The following WARS2 variants were observed in gnomAD, a reference collection of about 807,000 sequenced individuals.
The protein encoded by WARS2 is tryptophanyl tRNA synthetase 2, mitochondrial.
A neutral mutation model predicts 36.5 loss-of-function variants in WARS2; 28 were observed. The ratio of observed to expected loss-of-function variants is 0.77; its 90% CI spans 0.57 to 1.05. The LOEUF (loss-of-function observed/expected upper bound fraction) is 1.05, where lower values mean the gene tolerates loss of function less well. WARS2 is among the 50% of genes least tolerant of loss of function. The pLI is 0.00. For synonymous variants in WARS2, 174 were observed against 178.4 expected (o/e 0.98, Z 0.20); for missense variants, 435 against 456.8 (o/e 0.95, Z 0.44).
At chr1:119,130,976 T>C (rs1195141448) in intron 1 of WARS2, among the ~76,000 whole-genome samples, 3 of 152,190 alleles carry the variant, frequency 2.0e-5, no homozygotes, top group Admixed American at 1.3e-4. Flanking sequence ...TAAACTGTTT[T>C]CTGCTGAGGT....
chr1:119,092,862 T>C (rs1653140185), intron 1 of WARS2, among the ~76,000 whole-genome samples: 1 of 152,210 alleles, frequency 6.6e-6, no homozygotes, highest in African/African-American at 2.4e-5. Flanking sequence ...AATTACTAAA[T>C]CATCAGGGAT....
intron 2 of WARS2, among the ~76,000 whole-genome samples, chr1:119,066,394 C>T (rs1027809175): frequency 9.0e-5 from 13 of 145,142 alleles, no homozygotes; most frequent in Admixed American, 2.8e-4. Context: ...AGGAGAATGG[C>T]GTGAACCTGG....
chr1:119,117,772 A>G (rs943824137), intron 1 of WARS2, among the ~76,000 whole-genome samples: 4 of 152,212 alleles, frequency 2.6e-5, no homozygotes, highest in African/African-American at 9.6e-5. Flanking sequence ...AGGACTCTTT[A>G]CAGCACTAGC....
intron 2 of WARS2, among the ~76,000 whole-genome samples, chr1:119,070,352 C>G (rs549650997): frequency 6.6e-6 from 1 of 152,168 alleles, no homozygotes; most frequent in African/African-American, 2.4e-5. Context: ...ACCTCTGCCT[C>G]CTGGGTTCAC....
chr1:119,129,500 G>C (rs1043553236), intron 1 of WARS2, among the ~76,000 whole-genome samples: 1 of 152,108 alleles, frequency 6.6e-6, no homozygotes, highest in Non-Finnish European at 1.5e-5. Context: ...TTTGAGCCCA[G>C]GAGTTCGAGA....
At chr1:119,126,886 C>A in intron 1 of WARS2, 1 of 809,676 alleles carries the variant, frequency 1.2e-6, no homozygotes, top group Non-Finnish European at 2.1e-6. Flanking sequence ...GTCTTCCGTA[C>A]CTGATTGTTG....
intron 1 of WARS2, among the ~76,000 whole-genome samples, chr1:119,100,269 A>C (rs1430867011): frequency 6.6e-6 from 1 of 152,132 alleles, no homozygotes; most frequent in Non-Finnish European, 1.5e-5. Flanking sequence ...ATCTTACCCA[A>C]ATCAGAAAAG....
intron 2 of WARS2, among the ~76,000 whole-genome samples, chr1:119,067,040 T>C (rs1240904480): frequency 6.6e-6 from 1 of 152,160 alleles, no homozygotes; most frequent in African/African-American, 2.4e-5. Context: ...AGGCAGACAA[T>C]GGAACACTGT....
chr1:119,052,567 C>G (rs1312289332), intron 2 of WARS2, among the ~76,000 whole-genome samples: 1 of 152,194 alleles, frequency 6.6e-6, no homozygotes, highest in African/African-American at 2.4e-5. Context: ...CTGGAGTTCT[C>G]TATACTTTTT....
intron 1 of WARS2, chr1:119,126,647 C>G: frequency 1.4e-6 from 1 of 712,462 alleles, no homozygotes; most frequent in South Asian, 1.4e-5. Flanking sequence ...CACGAAGCTC[C>G]ATAAGTTTTC....
chr1:119,053,206 T>A (rs1027558071), intron 2 of WARS2, among the ~76,000 whole-genome samples: 2 of 151,518 alleles, frequency 1.3e-5, no homozygotes, highest in African/African-American at 2.4e-5. Flanking sequence ...AGTAATCAAA[T>A]TTTTTTTTAA....
intron 4 of WARS2, among the ~76,000 whole-genome samples, chr1:119,034,463 G>A (rs765109011): frequency 2.6e-5 from 4 of 152,190 alleles, no homozygotes; most frequent in Non-Finnish European, 4.4e-5. Flanking sequence ...AGCATGACAG[G>A]ATCTTGCTGG....
rs145031136 is a variant in WARS2 at position 119,130,164 on chromosome 1, A to G, written c.90+10391T>C. Among the ~76,000 whole-genome samples, 11 of 152,334 alleles carry G rather than the reference A, an allele frequency of 7.2e-5. No individual in the cohort carries two copies. The East Asian group carries it at 7.7e-4, about 11-fold the overall frequency. ...ATGAGAAAAAAAAAAAGGCAATGTC[A>G]ATACAATAAATGAGCTTTTTATTTC... On this transcript the variant is annotated intron_variant, in intron 1 of 5. Transcript: ENST00000235521.
chr1:119,112,252 A>G (rs1275939791), intron 1 of WARS2, among the ~76,000 whole-genome samples: 1 of 152,148 alleles, frequency 6.6e-6, no homozygotes, highest in Non-Finnish European at 1.5e-5. Flanking sequence ...GTTAGGATGA[A>G]GTGGAGATGT....
intron 1 of WARS2, among the ~76,000 whole-genome samples, chr1:119,138,759 C>T (rs1011601810): frequency 6.6e-6 from 1 of 152,088 alleles, no homozygotes; most frequent in African/African-American, 2.4e-5. Context: ...TAAAAAAATA[C>T]TCTCACATTT....
chr1:119,063,255 G>A (rs1650534642), intron 2 of WARS2: 1 of 152,800 alleles, frequency 6.5e-6, no homozygotes, highest in Admixed American at 6.5e-5. Context: ...TAGGGTATCT[G>A]GCAGAAGAAA....
intron 2 of WARS2, among the ~76,000 whole-genome samples, chr1:119,065,072 AAAGTT>A (rs1433469922): frequency 1.3e-5 from 2 of 152,208 alleles, no homozygotes; most frequent in South Asian, 2.1e-4. Context: ...ATTTTTTAAA[AAAGTT>A]AAGTTAAAAA....
chr1:119,085,360 T>A, intron 1 of WARS2: 1 of 1,371,368 alleles, frequency 7.3e-7, no homozygotes, highest in Non-Finnish European at 1.0e-6. Flanking sequence ...CTGTGCTTCT[T>A]AGGGCCAGGG....
chr1:119,064,527 A>G (rs965683294), intron 2 of WARS2: 2 of 152,200 alleles, frequency 1.3e-5, no homozygotes, highest in African/African-American at 4.8e-5. Flanking sequence ...CTCAACTTCA[A>G]TTATATCTCC....
Sources: gnomAD v4.1 joint callset for allele counts (sites outside exome capture counted in the v4.1 genomes callset) on GRCh38, gnomAD v4.1.1 for gene constraint, MANE v1.5 for transcripts, NCBI Gene and HGNC (gene_info 2026-07-23, HGNC 2026-07-21) for gene names.